Variants in ADAMTS20 observed in about 807,000 individuals in gnomAD.
ADAMTS20 encodes A disintegrin and metalloproteinase with thrombospondin motifs 20.
ADAMTS20 carries 225 observed loss-of-function variants against 260.1 expected under a neutral mutation model. The ratio of observed to expected loss-of-function variants is 0.87; its 90% CI spans 0.78 to 0.97. The LOEUF is 0.97. Ranked by LOEUF, ADAMTS20 falls within the 50% of genes least tolerant of loss-of-function variation. The pLI is 0.00. For synonymous variants in ADAMTS20, 802 were observed against 769.5 expected (o/e 1.04, Z -0.70); for missense variants, 2,400 against 2,337.7 (o/e 1.03, Z -0.55).
At chr12:43,438,594 T>G (rs1404668760) in intron 18 of ADAMTS20, among the ~76,000 whole-genome samples, 1 of 152,162 alleles carries the variant, frequency 6.6e-6, no homozygotes, top group African/African-American at 2.4e-5. Flanking sequence ...TTTTCCTGAA[T>G]AGGGCACCAC....
At chr12:43,424,481 A>G (rs965168156) in intron 28 of ADAMTS20, among the ~76,000 whole-genome samples, 4 of 152,142 alleles carry the variant, frequency 2.6e-5, no homozygotes, top group Non-Finnish European at 1.5e-5. Context: ...AAAAAACTGT[A>G]AACAAGTTCT....
intron 2 of ADAMTS20, 130 bp from the exon 3 acceptor site, chr12:43,532,325 T>G (rs950957235): frequency 2.6e-6 from 2 of 782,914 alleles, no homozygotes; most frequent in African/African-American, 3.5e-5. Flanking sequence ...AGCCATCAAC[T>G]GAGCATAAAA....
chr12:43,355,726 T>C (rs1361782361), intron 38 of ADAMTS20, among the ~76,000 whole-genome samples: 1 of 152,118 alleles, frequency 6.6e-6, no homozygotes, highest in Non-Finnish European at 1.5e-5. Flanking sequence ...GGCTATGTTA[T>C]CTAAGACACA....
rs1429751441 is a variant in ADAMTS20, at chr12:43,543,682, T to C, written c.453+7227A>G. Among the ~76,000 whole-genome samples, 4 of 152,162 alleles carry C rather than the reference T, an allele frequency of 2.6e-5. No homozygotes were observed. In the East Asian group the frequency reaches 7.7e-4, roughly 29 times the overall value. ...GAGTATGTTTGATGCGTGATCTGTT[T>C]GGTGAACAGAAGAGCAGCCTGTAAT... On this transcript the variant is annotated intron_variant, in intron 2 of 38. Coordinates refer to ENST00000389420, the MANE Select transcript of ADAMTS20 (RefSeq NM_025003.5).
At chr12:43,539,537 T>C (rs1943347105) in intron 2 of ADAMTS20, among the ~76,000 whole-genome samples, 1 of 152,172 alleles carries the variant, frequency 6.6e-6, no homozygotes, top group Admixed American at 6.5e-5. Flanking sequence ...CCCTACCATA[T>C]TTCACTAATT....
intron 28 of ADAMTS20, among the ~76,000 whole-genome samples, chr12:43,410,940 G>A (rs1941019320): frequency 6.6e-6 from 1 of 152,146 alleles, no homozygotes; most frequent in Admixed American, 6.5e-5. Flanking sequence ...CACTTCAATT[G>A]AAAATTGTCT....
chr12:43,355,409 T>A (rs1211228151), intron 38 of ADAMTS20, among the ~76,000 whole-genome samples: 1 of 152,192 alleles, frequency 6.6e-6, no homozygotes, highest in Non-Finnish European at 1.5e-5. Context: ...CATTTTTGAT[T>A]GAGATAGAAC....
intron 3 of ADAMTS20, among the ~76,000 whole-genome samples, chr12:43,509,421 T>C: frequency 6.6e-6 from 1 of 152,050 alleles, no homozygotes; most frequent in Non-Finnish European, 1.5e-5. Flanking sequence ...TAAGAGAACA[T>C]TCTATACAAC....
intron 28 of ADAMTS20, chr12:43,423,292 C>T (rs992030986): frequency 6.2e-6 from 1 of 160,764 alleles, no homozygotes; most frequent in East Asian, 1.8e-4. Context: ...TCCAATAGAA[C>T]TTATTTTAAA....
At chr12:43,380,825 G>C (rs2137220839) in intron 31 of ADAMTS20, among the ~76,000 whole-genome samples, 2 of 152,178 alleles carry the variant, frequency 1.3e-5, no homozygotes, top group Middle Eastern at 6.8e-3. Flanking sequence ...AGTTGAACAA[G>C]AGTCATTGCA....
chr12:43,423,585 T>C (rs1229998466), intron 28 of ADAMTS20: 1 of 607,278 alleles, frequency 1.6e-6, no homozygotes, highest in Non-Finnish European at 2.9e-6. Context: ...ACAGTCTTCT[T>C]AAGAACTAGG....
chr12:43,501,479 G>GCACACACACACACACACACACACACA (rs746038595), intron 4 of ADAMTS20, among the ~76,000 whole-genome samples: 3 of 67,052 alleles, frequency 4.5e-5, no homozygotes, highest in Non-Finnish European at 3.9e-5. Flanking sequence ...GCGCGCGCGC[G>GCACACACACACACACACACACACACA]CGCACACACA....
chr12:43,394,792 A>C (rs922470860), intron 29 of ADAMTS20, among the ~76,000 whole-genome samples: 13 of 152,108 alleles, frequency 8.5e-5, no homozygotes, highest in African/African-American at 3.1e-4. Flanking sequence ...ACCTCTGTTC[A>C]AATCCCTGCC....
At chr12:43,375,292 C>A in intron 36 of ADAMTS20, 87 bp downstream of exon 36, 1 of 1,426,040 alleles carries the variant, frequency 7.0e-7, no homozygotes. Context: ...TTCTCTGTAC[C>A]CTGGCTACAA....
intron 37 of ADAMTS20, among the ~76,000 whole-genome samples, chr12:43,358,119 G>A (rs904031178): frequency 6.6e-6 from 1 of 151,982 alleles, no homozygotes; most frequent in African/African-American, 2.4e-5. Flanking sequence ...TGCTCAATTG[G>A]GCCATGCAAC....
rs142203536 is a variant in ADAMTS20 at position 43,439,922 on chromosome 12, C to T, written c.2438G>A (p.Arg813Gln). The change falls in exon 17 of 39, where the codon CGA becomes CAA. Residue 813 changes from arginine to glutamine, a missense_variant. Physicochemically the swap from Arg to Gln is conservative, Grantham distance 43. Transcript: ENST00000389420. ...CTGCAAAATAAGTTCTTTCTCTTGT[C>T]GATTAGTACTATTAATTCTTTCAAC... is the stretch of plus-strand genomic sequence containing the variant. ...NAVERINSTN[R>Q]QEKELILQVL... The T allele has an allele frequency of 1.0e-5, 16 of 1,605,906 alleles. No homozygotes were observed. The highest frequency in any genetic ancestry group is 6.7e-5 in the African/African-American group (5 of 74,816).
intron 19 of ADAMTS20, among the ~76,000 whole-genome samples, chr12:43,433,424 T>C (rs1170654708): frequency 6.6e-6 from 1 of 152,124 alleles, no homozygotes; most frequent in Admixed American, 6.5e-5. Flanking sequence ...TTCATTTCCG[T>C]CCCTAATAGC....
intron 14 of ADAMTS20, among the ~76,000 whole-genome samples, chr12:43,449,770 T>C (rs1175854140): frequency 6.6e-6 from 1 of 152,154 alleles, no homozygotes; most frequent in Non-Finnish European, 1.5e-5. Flanking sequence ...ACTCATCTAG[T>C]TGTATGTAAC....
chr12:43,372,887 C>G (rs1357213161), intron 36 of ADAMTS20, among the ~76,000 whole-genome samples: 1 of 152,082 alleles, frequency 6.6e-6, no homozygotes, highest in East Asian at 1.9e-4. Flanking sequence ...AGTGAAATAG[C>G]GAGCAAGATC....
Sources: allele counts gnomAD v4.1 joint callset (sites outside exome capture counted in the v4.1 genomes callset), GRCh38; gene constraint gnomAD v4.1.1; transcripts MANE v1.5; gene names NCBI Gene and HGNC (gene_info 2026-07-23, HGNC 2026-07-21).